The following RNF4 variants were observed in gnomAD, a reference collection of about 807,000 sequenced individuals.
RNF4 encodes the protein ring finger protein 4, also known as E3 ubiquitin-protein ligase RNF4.
Under a neutral mutation model 24.3 loss-of-function variants are expected in RNF4, and 7 were observed. The ratio of observed to expected loss-of-function variants is 0.29; its 90% CI spans 0.16 to 0.54. RNF4 has a LOEUF of 0.54. RNF4 is among the 20% of genes least tolerant of loss of function. The pLI, the probability that RNF4 is intolerant of heterozygous loss-of-function variation, is 0.95. For synonymous variants in RNF4, 83 were observed against 84.3 expected (o/e 0.98, Z 0.09); for missense variants, 209 against 248.5 (o/e 0.84, Z 1.07).
Position 2,497,128 on chromosome 4 carries a change from T to C in RNF4, c.124+7T>C, listed in dbSNP as rs553015694. The C allele has an allele frequency of 3.1e-6, 5 of 1,591,856 alleles. No individual in the cohort carries two copies. Among genetic ancestry groups the C allele is most frequent in the Non-Finnish European group, 4.3e-6 (5 of 1,167,042 alleles). ...ATAGAACTCGTGGAAACTGGTAAGA[T>C]TGCCAGGGACACTACAACTGTGGGG... On this transcript the variant is annotated splice_region_variant and intron_variant, in intron 3 of 7. Transcript: ENST00000314289.
chr4:2,504,832 A>G (rs927103936), intron 4 of RNF4, among the ~76,000 whole-genome samples: 1 of 148,466 alleles, frequency 6.7e-6, no homozygotes. Flanking sequence ...TCCCGGGTTC[A>G]AGCAATTCTC....
At chr4:2,504,826 G>A (rs1736025719) in intron 4 of RNF4, among the ~76,000 whole-genome samples, 1 of 145,114 alleles carries the variant, frequency 6.9e-6, no homozygotes, top group South Asian at 2.2e-4. Context: ...TCCGCCTCCC[G>A]GGTTCAAGCA....
chr4:2,490,241 A>AC (rs1735539759), intron 1 of RNF4, 96 bp from the exon 2 acceptor site: 1 of 459,292 alleles, frequency 2.2e-6, no homozygotes, highest in African/African-American at 1.9e-5. Flanking sequence ...TAAGCAAATA[A>AC]CCTAGGGACA....
chr4:2,473,371 G>C (rs1051762426), intron 1 of RNF4, among the ~76,000 whole-genome samples: 2 of 151,228 alleles, frequency 1.3e-5, no homozygotes, highest in African/African-American at 4.9e-5. Context: ...GCAACAGTGA[G>C]ATTCCGTCTT....
chr4:2,496,903 C>A, intron 2 of RNF4, 104 bp from the exon 3 acceptor site: 1 of 760,734 alleles, frequency 1.3e-6, no homozygotes, highest in Non-Finnish European at 2.1e-6. Flanking sequence ...AGTCTACTCG[C>A]TGGCTTCTTA....
At chr4:2,499,224 G>A in intron 3 of RNF4, 1 of 423,464 alleles carries the variant, frequency 2.4e-6, no homozygotes, top group Non-Finnish European at 4.7e-6. Context: ...TGCATTACAA[G>A]ACACTTTCCC....
chr4:2,475,721 T>C (rs1735050671), intron 1 of RNF4, among the ~76,000 whole-genome samples: 1 of 152,136 alleles, frequency 6.6e-6, no homozygotes, highest in Non-Finnish European at 1.5e-5. Context: ...AGACTCATGA[T>C]TTAATATCTA....
chr4:2,513,612 C>G, intron 7 of RNF4, 58 bp from the exon 8 acceptor site: 1 of 1,604,238 alleles, frequency 6.2e-7, no homozygotes, highest in Non-Finnish European at 8.5e-7. Flanking sequence ...TTCTCTGGCC[C>G]CATGGCTGCT....
chr4:2,479,352 T>C (rs764235327), intron 1 of RNF4, among the ~76,000 whole-genome samples: 1 of 152,250 alleles, frequency 6.6e-6, no homozygotes, highest in African/African-American at 2.4e-5. Context: ...TATTTTAAAA[T>C]GTGAGGACAT....
intron 4 of RNF4, among the ~76,000 whole-genome samples, chr4:2,511,077 G>A (rs1156672064): frequency 3.9e-5 from 6 of 152,236 alleles, no homozygotes; most frequent in Admixed American, 2.6e-4. Context: ...TACATTGGTC[G>A]CGTCAGCTTG....
Position 2,515,000 on chromosome 4 carries a change from C to T in RNF4, c.*1181C>T, listed in dbSNP as rs1056813173. 1.3e-5 allele frequency: 2 copies of T among 152,410 alleles called. No individual in the cohort carries two copies. Among genetic ancestry groups the T allele is most frequent in the Non-Finnish European group, 2.9e-5 (2 of 68,082 alleles). 9.4% of individuals were successfully genotyped at this position (152,410 alleles called of 1,614,324 possible). On this transcript the variant is annotated 3_prime_UTR_variant, in exon 8 of 8. Transcript: ENST00000314289. ...CTTCGCTCCACAGGTACGCGGGAGC[C>T]TCAGGTTCTCTCAGGGGCAGCAAAG...
intron 2 of RNF4, among the ~76,000 whole-genome samples, chr4:2,493,725 C>T (rs1257138585): frequency 1.7e-4 from 17 of 99,238 alleles, no homozygotes; most frequent in Admixed American, 2.9e-4. Context: ...GCCTGAGCAA[C>T]AGAGTGAGAC....
chr4:2,505,440 C>G (rs969094505), intron 4 of RNF4: 2 of 151,868 alleles, frequency 1.3e-5, no homozygotes, highest in African/African-American at 2.4e-5. Context: ...ATTCTCCTGC[C>G]TCAGCCTCCA....
intron 1 of RNF4, among the ~76,000 whole-genome samples, chr4:2,473,990 A>G (rs1734990595): frequency 6.6e-6 from 1 of 152,200 alleles, no homozygotes; most frequent in South Asian, 2.1e-4. Flanking sequence ...CTGAGGCAGG[A>G]GAATTGCTTG....
chr4:2,498,718 G>A (rs1383577271), intron 3 of RNF4, among the ~76,000 whole-genome samples: 1 of 152,128 alleles, frequency 6.6e-6, no homozygotes, highest in East Asian at 1.9e-4. Context: ...GAGCCCAGGA[G>A]TACCAGACCA....
Position 2,512,368 on chromosome 4 carries a change from T to A in RNF4, c.215-70T>A, listed in dbSNP as rs1736292835. ...GGAAGGAAGAGGGTCTTAAGAGGCGTCAGGATGGGAGTGGTGAGGATGGTA... is the reference window on the plus strand; with the variant it reads ...GGAAGGAAGAGGGTCTTAAGAGGCGACAGGATGGGAGTGGTGAGGATGGTA... On this transcript the variant is annotated intron_variant, in intron 5 of 7. Coordinates refer to ENST00000314289, the MANE Select transcript of RNF4 (RefSeq NM_002938.5). This position sits in a 1 kb window ranked among gnomAD's most constrained non-coding sequence, Gnocchi z 4.1. 1 of 1,533,004 alleles carries A rather than the reference T, an allele frequency of 6.5e-7. No individual in the cohort carries two copies. The highest frequency in any genetic ancestry group is 8.9e-7 in the Non-Finnish European group (1 of 1,129,688). The allele number at this position is 1,533,004 out of a possible 1,614,324, so 95.0% of individuals were successfully genotyped here. A position where few individuals can be genotyped will look rare whatever the true frequency, so the allele number is the denominator to read the frequency against.
chr4:2,486,715 A>C (rs963340216), intron 1 of RNF4, among the ~76,000 whole-genome samples: 1 of 152,100 alleles, frequency 6.6e-6, no homozygotes. Context: ...CCGTATTTGG[A>C]AGCCTCAATA....
intron 1 of RNF4, among the ~76,000 whole-genome samples, chr4:2,482,910 G>A (rs1427964901): frequency 1.3e-5 from 2 of 152,114 alleles, no homozygotes; most frequent in Non-Finnish European, 2.9e-5. Context: ...CTAAGTCTAA[G>A]CCGTTGTGAT....
chr4:2,470,582 C>T (rs1219074512), intron 1 of RNF4, among the ~76,000 whole-genome samples: 1 of 152,194 alleles, frequency 6.6e-6, no homozygotes, highest in Non-Finnish European at 1.5e-5. Flanking sequence ...TTCTAATCTT[C>T]ATGAAATCTT....
Sources: allele counts gnomAD v4.1 joint callset (sites outside exome capture counted in the v4.1 genomes callset), GRCh38; gene constraint gnomAD v4.1.1; non-coding constraint Gnocchi (gnomAD v3.1); transcripts MANE v1.5; gene names NCBI Gene and HGNC (gene_info 2026-07-23, HGNC 2026-07-21).